TTF1: variants seen among roughly 807,000 people sequenced by gnomAD.
The protein encoded by TTF1 is transcription termination factor 1.
A neutral mutation model predicts 80.2 loss-of-function variants in TTF1; 64 were observed. That is an observed-to-expected ratio of 0.80 (90% CI 0.65 to 0.98). TTF1 has a LOEUF of 0.98. Ranked by LOEUF, TTF1 falls within the 50% of genes least tolerant of loss-of-function variation. TTF1 has a pLI of 0.00. For synonymous variants in TTF1, 372 were observed against 382.7 expected, an observed-to-expected ratio of 0.97 and a Z score of 0.33; for missense variants, 1,023 against 1,086.2, an observed-to-expected ratio of 0.94 and a Z score of 0.82.
At chr9:132,380,012 A>G (rs774178460) in intron 9 of TTF1, among the ~76,000 whole-genome samples, 1 of 152,176 alleles carries the variant, frequency 6.6e-6, no homozygotes, top group Non-Finnish European at 1.5e-5. Context: ...TCTTCATCAC[A>G]GCAACCACTA....
At chr9:132,392,946 C>G (rs1253001428) in intron 5 of TTF1, among the ~76,000 whole-genome samples, 1 of 152,156 alleles carries the variant, frequency 6.6e-6, no homozygotes, top group Non-Finnish European at 1.5e-5. Context: ...ACATTCGGTT[C>G]TTCATCTTGA....
rs1203655330 is a variant in TTF1, at chr9:132,378,629, T to TG, written c.2464+429_2464+430insC. On this transcript the variant is annotated intron_variant, in intron 10 of 10. Coordinates refer to ENST00000334270, the MANE Select transcript of TTF1 (RefSeq NM_007344.4). ...GTGCATGTGGTGTGAGTGCATGTGG[T>TG]TGGTGTGAGTGCATGTGGTGTGAGT... is the stretch of plus-strand genomic sequence containing the variant. Among the ~76,000 whole-genome samples the TG allele has an allele frequency of 7.4e-3, 898 of 121,790 alleles. 51 individuals carry two copies. Among genetic ancestry groups the TG allele is most frequent in the East Asian group, 0.054 (163 of 3,020 alleles). The allele number at this position is 121,790 out of a possible 152,430, so 79.9% of individuals were successfully genotyped here.
At chr9:132,403,965 C>T (rs1353205254) in intron 1 of TTF1, among the ~76,000 whole-genome samples, 1 of 152,182 alleles carries the variant, frequency 6.6e-6, no homozygotes, top group African/African-American at 2.4e-5. Context: ...AGGGTGTGTG[C>T]ACTTGGAATT....
chr9:132,382,882 A>T (rs1333425487), intron 9 of TTF1, among the ~76,000 whole-genome samples: 2 of 152,090 alleles, frequency 1.3e-5, no homozygotes, highest in Non-Finnish European at 2.9e-5. Context: ...CCTGGCCAAC[A>T]TGGTGAAACC....
intron 2 of TTF1, among the ~76,000 whole-genome samples, chr9:132,400,551 G>A (rs1261748407): frequency 1.3e-5 from 2 of 152,078 alleles, no homozygotes; most frequent in African/African-American, 4.8e-5. Flanking sequence ...TCGAACTCCT[G>A]GCCTCAAGTG....
Position 132,379,093 on chromosome 9 carries a change from G to A in TTF1, c.2430C>T (p.Val810=). 6.2e-7 allele frequency: 1 copy of A among 1,610,400 alleles called. No homozygotes were observed. Among genetic ancestry groups the A allele is most frequent in the Non-Finnish European group, 8.5e-7 (1 of 1,178,936 alleles). ...VQTKFSRLKA[V]YVPFWQKKTF... is the part of the protein sequence containing the mutation. Reference sequence around the variant, plus strand: ...TCTTTTTCTGCCAAAATGGAACATAGACAGCTTTCAGCCTAGAAAATTTAG... The same window carrying A: ...TCTTTTTCTGCCAAAATGGAACATAAACAGCTTTCAGCCTAGAAAATTTAG... Residue 810 remains valine, a synonymous_variant, in exon 10 of 11, where the codon GTC becomes GTT. Coordinates refer to ENST00000334270, the MANE Select transcript of TTF1 (RefSeq NM_007344.4).
chr9:132,393,740 G>A (rs927477168), intron 5 of TTF1, among the ~76,000 whole-genome samples: 2 of 152,036 alleles, frequency 1.3e-5, no homozygotes, highest in Admixed American at 1.3e-4. Context: ...GACCGAGCTG[G>A]TCTCAGCAAA....
chr9:132,376,003 A>G lies in TTF1; in HGVS notation c.2630T>C (p.Ile877Thr), dbSNP rs147709121. ...YYEDDSEGED[I>T]EKESEGQAPC... ...CGCCTGGCCTTCGCTTTCTTTTTCT[A>G]TGTCCTCTCCTTCACTATCGTCTTC... The change falls in exon 11 of 11, where the codon ATA becomes ACA. Residue 877 changes from isoleucine to threonine, a missense_variant. By Grantham distance (89) the Ile-to-Thr change is moderately conservative (BLOSUM62 -1). Coordinates refer to ENST00000334270, the MANE Select transcript of TTF1 (RefSeq NM_007344.4). The G allele has an allele frequency of 4.4e-5, 71 of 1,613,962 alleles. No individual in the cohort carries two copies. The Admixed American group carries it at 1.1e-3, about 25-fold the overall frequency.
At position 132,396,477 on chromosome 9, in the gene TTF1, G is replaced by A. The variant is rs772432759; in HGVS notation, c.1812C>T (p.Tyr604=). Residue 604 remains tyrosine, a synonymous_variant, in exon 5 of 11, where the codon TAC becomes TAT. Coordinates refer to ENST00000334270, the MANE Select transcript of TTF1 (RefSeq NM_007344.4). ...RNIARPWKLI[Y]YRAKKMFDVN... ...CATCGAACATCTTCTTTGCTCGATA[G>A]TATATAAGTTTCCAGGGCCGGGCAA... 6.8e-6 allele frequency: 11 copies of A among 1,614,048 alleles called. No homozygotes were observed. The highest frequency in any genetic ancestry group is 6.7e-5 in the African/African-American group (5 of 74,912).
intron 7 of TTF1, among the ~76,000 whole-genome samples, chr9:132,389,680 T>C (rs936913297): frequency 8.5e-5 from 13 of 152,200 alleles, no homozygotes; most frequent in Non-Finnish European, 1.6e-4. Flanking sequence ...GTGCCCTTCA[T>C]GTGCAAGGTA....
intron 10 of TTF1, among the ~76,000 whole-genome samples, chr9:132,378,129 GGT>G (rs1168581731): frequency 8.7e-4 from 91 of 104,066 alleles, no homozygotes; most frequent in Middle Eastern, 9.3e-3. Context: ...GCATGCATGT[GGT>G]GTGTGTGAGT....
chr9:132,402,451 T>TCAA lies in TTF1; in HGVS notation c.368_370dup (p.Val123dup). Reference sequence around the variant, plus strand: ...TATGCTCATATCAACACAAACAACATCAACATCCTTTCTAAAATGCTTTGG... The same window carrying TCAA: ...TATGCTCATATCAACACAAACAACATCAACAACATCCTTTCTAAAATGCTTTGG... On this transcript the variant is annotated inframe_insertion, in exon 2 of 11. Transcript: ENST00000334270. The TCAA allele has an allele frequency of 2.5e-6, 4 of 1,614,236 alleles. No individual in the cohort carries two copies. Among genetic ancestry groups the TCAA allele is most frequent in the Non-Finnish European group, 2.5e-6 (3 of 1,180,052 alleles).
intron 4 of TTF1, among the ~76,000 whole-genome samples, chr9:132,397,487 C>A (rs1282450258): frequency 6.6e-6 from 1 of 152,176 alleles, no homozygotes. Context: ...CACATATGGC[C>A]ACACTTAAAA....
At chr9:132,378,288 T>G (rs1849282950) in intron 10 of TTF1, among the ~76,000 whole-genome samples, 1 of 96,706 alleles carries the variant, frequency 1.0e-5, no homozygotes. Flanking sequence ...TGAATGCATG[T>G]GGTGAGTGCA....
intron 3 of TTF1, among the ~76,000 whole-genome samples, chr9:132,398,937 C>T (rs961451000): frequency 2.0e-5 from 3 of 152,034 alleles, no homozygotes; most frequent in Non-Finnish European, 4.4e-5. Flanking sequence ...GTGGCTTATG[C>T]ATGTTATCCC....
intron 1 of TTF1, among the ~76,000 whole-genome samples, chr9:132,403,180 G>A (rs772651320): frequency 1.5e-4 from 23 of 152,216 alleles, no homozygotes; most frequent in Middle Eastern, 6.8e-3. Context: ...TTTAAACATA[G>A]CCTCAGCGGA....
intron 10 of TTF1, among the ~76,000 whole-genome samples, chr9:132,376,775 C>T (rs1171021089): frequency 1.3e-5 from 2 of 151,408 alleles, no homozygotes; most frequent in Non-Finnish European, 2.9e-5. Flanking sequence ...AATCCTCCCA[C>T]CTCAGCCTCC....
chr9:132,379,865 A>G (rs528936784), intron 9 of TTF1, among the ~76,000 whole-genome samples: 1 of 152,360 alleles, frequency 6.6e-6, no homozygotes, highest in East Asian at 1.9e-4. Flanking sequence ...AAAAACCACT[A>G]AACTTTTTGG....
At chr9:132,378,221 T>TGA in intron 10 of TTF1, among the ~76,000 whole-genome samples, 1 of 126,010 alleles carries the variant, frequency 7.9e-6, no homozygotes, top group African/African-American at 3.1e-5. Flanking sequence ...GCATGTGGTG[T>TGA]GTGAGTGCAT....
Sources: gnomAD v4.1 joint callset for allele counts (sites outside exome capture counted in the v4.1 genomes callset) on GRCh38, gnomAD v4.1.1 for gene constraint, MANE v1.5 for transcripts, NCBI Gene and HGNC (gene_info 2026-07-23, HGNC 2026-07-21) for gene names.